Variants in ABCC9 observed in about 807,000 individuals in gnomAD.
The protein encoded by ABCC9 is ATP-binding cassette sub-family C member 9.
Under a neutral mutation model 188.3 loss-of-function variants are expected in ABCC9, and 95 were observed. The observed-to-expected ratio is 0.50, with a 90% CI of 0.43 to 0.60. The LOEUF is 0.60. ABCC9 is among the 20% of genes least tolerant of loss of function. The pLI, the probability that ABCC9 is intolerant of heterozygous loss-of-function variation, is 0.00. For missense variants in ABCC9, 1,102 were observed against 1,876.3 expected, an observed-to-expected ratio of 0.59 and a Z score of 7.62; for synonymous variants, 659 against 652.7, an observed-to-expected ratio of 1.01 and a Z score of -0.15.
intron 12 of ABCC9, among the ~76,000 whole-genome samples, chr12:21,899,486 C>G (rs1394251054): frequency 1.3e-5 from 2 of 152,014 alleles, no homozygotes. Flanking sequence ...TGCAGCCCAC[C>G]GAGCATGAGC....
Position 21,925,822 on chromosome 12 carries a change from C to T in ABCC9, c.406+120G>A, listed in dbSNP as rs559679769. The T allele has an allele frequency of 1.3e-4, 147 of 1,117,112 alleles. No homozygotes were observed. In the African/African-American group the frequency reaches 1.9e-3, roughly 15 times the overall value. The allele number at this position is 1,117,112 out of a possible 1,614,324, so 69.2% of individuals were successfully genotyped here. A position where few individuals can be genotyped will look rare whatever the true frequency, so the allele number is the denominator to read the frequency against. The stretch of plus-strand genomic sequence containing the variant: ...CAGGAGAATTAATCACTGGTTTTCC[C>T]ATACTTTCTACTCCCCACACACTCT... On this transcript the variant is annotated intron_variant, in intron 5 of 39. Transcript: ENST00000261200.
chr12:21,867,108 A>G (rs1164186671), intron 18 of ABCC9, among the ~76,000 whole-genome samples: 3 of 152,018 alleles, frequency 2.0e-5, no homozygotes, highest in Admixed American at 1.3e-4. Context: ...AAAGAGGTAA[A>G]CTTAGACTCA....
intron 35 of ABCC9, among the ~76,000 whole-genome samples, chr12:21,814,063 C>G (rs1271117831): frequency 3.3e-5 from 5 of 152,034 alleles, no homozygotes; most frequent in Non-Finnish European, 7.4e-5. Context: ...TAAGTTATTT[C>G]TACGCTCTTG....
chr12:21,920,322 T>A (rs920059250), intron 5 of ABCC9, among the ~76,000 whole-genome samples: 1 of 152,058 alleles, frequency 6.6e-6, no homozygotes, highest in Non-Finnish European at 1.5e-5. Flanking sequence ...AGATGGCATG[T>A]TTGCTTATAC....
intron 18 of ABCC9, among the ~76,000 whole-genome samples, chr12:21,869,361 A>T (rs1945947498): frequency 6.6e-6 from 1 of 152,194 alleles, no homozygotes; most frequent in African/African-American, 2.4e-5. Flanking sequence ...TCTCATCTGA[A>T]TTAGTGAAAT....
intron 30 of ABCC9, among the ~76,000 whole-genome samples, chr12:21,832,229 C>T (rs533705719): frequency 3.3e-5 from 5 of 152,296 alleles, no homozygotes; most frequent in Middle Eastern, 3.4e-3. Context: ...GTGATGCTTT[C>T]GTGGTAAACT....
intron 29 of ABCC9, among the ~76,000 whole-genome samples, chr12:21,840,071 T>TAA (rs1415797546): frequency 6.6e-6 from 1 of 152,194 alleles, no homozygotes; most frequent in Non-Finnish European, 1.5e-5. Flanking sequence ...CTGTGTTTGA[T>TAA]AAAACCAAAG....
At chr12:21,900,043 A>G (rs534474906) in intron 12 of ABCC9, among the ~76,000 whole-genome samples, 1 of 152,326 alleles carries the variant, frequency 6.6e-6, no homozygotes, top group African/African-American at 2.4e-5. Context: ...CAAGTAGCCT[A>G]ACTGGGAGGC....
At chr12:21,897,380 T>G (rs181526758) in intron 12 of ABCC9, among the ~76,000 whole-genome samples, 5 of 152,214 alleles carry the variant, frequency 3.3e-5, no homozygotes, top group African/African-American at 1.2e-4. Flanking sequence ...ACTCTGATGA[T>G]AGTTTCTTTT....
chr12:21,816,020 A>C (rs1942591900), intron 33 of ABCC9, 127 bp from the exon 34 acceptor site: 2 of 287,088 alleles, frequency 7.0e-6, no homozygotes, highest in African/African-American at 2.6e-5. Flanking sequence ...GTAATACTGA[A>C]CCAAACTATG....
In ABCC9 at chr12:21,908,204, A is replaced by G; in HGVS notation, c.1328T>C (p.Met443Thr). 1 of 1,612,432 alleles carries G rather than the reference A, an allele frequency of 6.2e-7. No homozygotes were observed. Among genetic ancestry groups the G allele is most frequent in the Non-Finnish European group, 8.5e-7 (1 of 1,178,844 alleles). The change falls in exon 11 of 40, where the codon ATG (methionine) becomes ACG (threonine). Residue 443 changes from methionine (M) to threonine (T), a missense_variant. Physicochemically the swap from Met to Thr is moderately conservative, Grantham distance 81. This residue lies in a region of ABCC9 where 305 missense variants were observed against 573.0 expected (regional missense o/e 0.53). Transcript: ENST00000261200. Reference protein sequence around the residue: ...NLWAMPVQIIMGVILLYNLLG... With the variant: ...NLWAMPVQIITGVILLYNLLG... ...TAAATTATAGAGCAGAATCACGCCC[A>G]TTATGATCTAGAGAGAAAAACACAT...
chr12:21,932,435 A>C (rs1260436416), intron 4 of ABCC9, among the ~76,000 whole-genome samples: 1 of 152,134 alleles, frequency 6.6e-6, no homozygotes, highest in Non-Finnish European at 1.5e-5. Context: ...AATTAAACTA[A>C]AGAGCTCCTG....
At chr12:21,875,633 T>C (rs199684627) in intron 17 of ABCC9, 21 bp downstream of exon 17, 3 of 1,557,262 alleles carry the variant, frequency 1.9e-6, no homozygotes, top group Non-Finnish European at 2.7e-6. Flanking sequence ...ATTACAAAAA[T>C]GCATAACAGA....
intron 34 of ABCC9, 140 bp downstream of exon 34, chr12:21,815,623 C>G (rs1326133881): frequency 1.0e-6 from 1 of 998,336 alleles, no homozygotes; most frequent in African/African-American, 1.6e-5. Context: ...TCCCTTTTTT[C>G]TTTTATGCAG....
intron 5 of ABCC9, chr12:21,923,514 A>C (rs1948920461): frequency 4.0e-6 from 1 of 247,640 alleles, no homozygotes; most frequent in Non-Finnish European, 7.7e-6. Flanking sequence ...AAAATGGCCA[A>C]TAAACTCATC....
intron 32 of ABCC9, 22 bp downstream of exon 32, chr12:21,818,128 T>C: frequency 6.5e-7 from 1 of 1,540,424 alleles, no homozygotes; most frequent in South Asian, 1.1e-5. Flanking sequence ...TCTGTTCCTG[T>C]AATATTTTTA....
chr12:21,859,714 G>A (rs1246073702), intron 21 of ABCC9, 48 bp from the exon 22 acceptor site: 1 of 1,494,440 alleles, frequency 6.7e-7, no homozygotes, highest in Admixed American at 1.7e-5. Context: ...ATTAGTAAAT[G>A]ATCTTTTGGT....
At chr12:21,812,489 C>A (rs1942313483) in intron 35 of ABCC9, among the ~76,000 whole-genome samples, 1 of 152,130 alleles carries the variant, frequency 6.6e-6, no homozygotes, top group Non-Finnish European at 1.5e-5. Context: ...GAAAATATGG[C>A]ACATATACAC....
chr12:21,886,511 C>T (rs1456041332), intron 15 of ABCC9, among the ~76,000 whole-genome samples: 1 of 152,056 alleles, frequency 6.6e-6, no homozygotes, highest in Non-Finnish European at 1.5e-5. Context: ...CCTCTCCTGC[C>T]TATATTATTA....
Sources: gnomAD v4.1 joint callset for allele counts (sites outside exome capture counted in the v4.1 genomes callset) on GRCh38, gnomAD v4.1.1 for gene constraint, gnomAD v4.1.1 regional missense constraint, MANE v1.5 for transcripts, NCBI Gene and HGNC (gene_info 2026-07-23, HGNC 2026-07-21) for gene names.